The following CHST11 variants were observed in gnomAD, a reference collection of about 807,000 sequenced individuals.
CHST11 encodes the protein C4S-1.
Under a neutral mutation model 30.4 loss-of-function variants are expected in CHST11, and 9 were observed. The ratio of observed to expected loss-of-function variants is 0.30; its 90% CI spans 0.18 to 0.52. The LOEUF is 0.52. CHST11 is among the 20% of genes least tolerant of loss of function. CHST11 has a pLI of 0.97. For missense variants in CHST11, 348 were observed against 460.6 expected (o/e 0.76, Z 2.24); for synonymous variants, 152 against 187.8 (o/e 0.81, Z 1.56).
intron 2 of CHST11, among the ~76,000 whole-genome samples, chr12:104,739,957 C>G (rs2040333609): frequency 6.6e-6 from 1 of 152,182 alleles, no homozygotes. Context: ...TCCAGACATC[C>G]TAGGGAGAGT....
intron 1 of CHST11, among the ~76,000 whole-genome samples, chr12:104,579,825 G>A (rs2038722133): frequency 6.6e-6 from 1 of 152,196 alleles, no homozygotes; most frequent in Non-Finnish European, 1.5e-5. Context: ...AAGCCAAAAT[G>A]TAATTGGAGA....
chr12:104,593,168 C>T (rs2038877018), intron 1 of CHST11, among the ~76,000 whole-genome samples: 1 of 152,174 alleles, frequency 6.6e-6, no homozygotes, highest in Non-Finnish European at 1.5e-5. Context: ...CTTCTACAGG[C>T]TGGGCGTCGG....
intron 2 of CHST11, among the ~76,000 whole-genome samples, chr12:104,612,226 G>A (rs972719835): frequency 6.6e-6 from 1 of 152,250 alleles, no homozygotes; most frequent in Non-Finnish European, 1.5e-5. Context: ...CAATAGAAAT[G>A]TATCATCTCA....
chr12:104,660,964 G>A (rs994830441), intron 2 of CHST11, among the ~76,000 whole-genome samples: 1 of 152,132 alleles, frequency 6.6e-6, no homozygotes, highest in Non-Finnish European at 1.5e-5. Flanking sequence ...TGAGGGCTCA[G>A]CATGCAAGAG....
At chr12:104,750,452 T>TTTTTTTTTTTTTTTTTG (rs1566064718) in intron 2 of CHST11, among the ~76,000 whole-genome samples, 1 of 113,522 alleles carries the variant, frequency 8.8e-6, no homozygotes, top group African/African-American at 3.6e-5. Context: ...TTTTTTTTTT[T>TTTTTTTTTTTTTTTTTG]TTTTGTTGAG....
intron 2 of CHST11, among the ~76,000 whole-genome samples, chr12:104,753,220 G>A (rs1260558724): frequency 6.6e-6 from 1 of 152,230 alleles, no homozygotes; most frequent in Non-Finnish European, 1.5e-5. Context: ...TCTCCTCAAG[G>A]TAGTGAACAA....
intron 2 of CHST11, among the ~76,000 whole-genome samples, chr12:104,723,488 ACT>A (rs1270431316): frequency 6.6e-6 from 1 of 151,978 alleles, no homozygotes; most frequent in Non-Finnish European, 1.5e-5. Context: ...CCCGACACTC[ACT>A]CCGATAAATC....
chr12:104,720,686 T>C (rs192588459), intron 2 of CHST11, among the ~76,000 whole-genome samples: 171 of 152,186 alleles, frequency 1.1e-3, no homozygotes, highest in South Asian at 2.3e-3. Context: ...CACCACGAGC[T>C]TTCTGTTGCT....
intron 1 of CHST11, among the ~76,000 whole-genome samples, chr12:104,558,935 T>C (rs975032469): frequency 6.6e-6 from 1 of 152,158 alleles, no homozygotes. Context: ...GACTGCTTCC[T>C]AAGCAGGTGA....
chr12:104,734,698 C>T (rs112774336), intron 2 of CHST11, among the ~76,000 whole-genome samples: 6 of 152,302 alleles, frequency 3.9e-5, no homozygotes, highest in African/African-American at 1.2e-4. Context: ...CAGCCACCAA[C>T]AGCCTTTCCT....
At chr12:104,651,026 A>G (rs1199159659) in intron 2 of CHST11, among the ~76,000 whole-genome samples, 2 of 152,188 alleles carry the variant, frequency 1.3e-5, no homozygotes, top group Non-Finnish European at 2.9e-5. Flanking sequence ...AGTCATTATT[A>G]TTATGTCTAA....
intron 2 of CHST11, among the ~76,000 whole-genome samples, chr12:104,641,117 C>G (rs1404611127): frequency 1.3e-5 from 2 of 152,126 alleles, no homozygotes; most frequent in African/African-American, 4.8e-5. Flanking sequence ...GGGAAAATTA[C>G]CTTCCCACTC....
At chr12:104,517,711 C>G (rs1402920430) in intron 1 of CHST11, among the ~76,000 whole-genome samples, 1 of 152,128 alleles carries the variant, frequency 6.6e-6, no homozygotes, top group African/African-American at 2.4e-5. Flanking sequence ...AATTTTGCCT[C>G]AAAAGCGACC....
At chr12:104,612,911 A>G (rs2039072665) in intron 2 of CHST11, among the ~76,000 whole-genome samples, 1 of 152,198 alleles carries the variant, frequency 6.6e-6, no homozygotes, top group Non-Finnish European at 1.5e-5. Context: ...GAGTTGCAGC[A>G]TTGTTCACAA....
intron 1 of CHST11, among the ~76,000 whole-genome samples, chr12:104,464,670 C>A (rs898808690): frequency 6.6e-6 from 1 of 152,048 alleles, no homozygotes; most frequent in Admixed American, 6.5e-5. Context: ...ACACCCAGTC[C>A]CATTTCCAAT....
At chr12:104,685,036 C>T (rs2039833701) in intron 2 of CHST11, among the ~76,000 whole-genome samples, 1 of 152,230 alleles carries the variant, frequency 6.6e-6, no homozygotes, top group African/African-American at 2.4e-5. Context: ...ACAAACTCTG[C>T]ATGGATTTTG....
In CHST11 at chr12:104,761,540, A is replaced by C. The variant is rs1232172963; in HGVS notation, c.*3737A>C. 2.0e-5 allele frequency: 3 copies of C among 151,418 alleles called. No homozygotes were observed. The highest frequency in any genetic ancestry group is 2.1e-4 in the South Asian group (1 of 4,810). 9.4% of individuals were successfully genotyped at this position (151,418 alleles called of 1,614,324 possible). On this transcript the variant is annotated 3_prime_UTR_variant, in exon 3 of 3. Transcript: ENST00000303694. The stretch of plus-strand genomic sequence containing the variant: ...CATTCTGTGCAATCCCAGTGACCAA[A>C]TCCCTTCCTTGCCCACCTCTATGTC...
At chr12:104,690,585 G>A (rs968031490) in intron 2 of CHST11, among the ~76,000 whole-genome samples, 3 of 152,186 alleles carry the variant, frequency 2.0e-5, no homozygotes, top group African/African-American at 7.2e-5. Context: ...CAGCACTTTG[G>A]GAGGCCGAGG....
chr12:104,511,346 T>C (rs1052084890), intron 1 of CHST11, among the ~76,000 whole-genome samples: 1 of 152,248 alleles, frequency 6.6e-6, no homozygotes, highest in Non-Finnish European at 1.5e-5. Flanking sequence ...CAAAACTTCT[T>C]TGGAAGTTGG....
Sources: allele counts gnomAD v4.1 joint callset (sites outside exome capture counted in the v4.1 genomes callset), GRCh38; gene constraint gnomAD v4.1.1; transcripts MANE v1.5; gene names NCBI Gene and HGNC (gene_info 2026-07-23, HGNC 2026-07-21).